Variants in RBFOX1 observed in about 807,000 individuals in gnomAD.
RBFOX1 encodes the protein RNA binding protein fox-1 homolog 1.
A neutral mutation model predicts 57.7 loss-of-function variants in RBFOX1; 8 were observed. The observed-to-expected ratio is 0.14, with a 90% CI of 0.08 to 0.25. The LOEUF (loss-of-function observed/expected upper bound fraction) is 0.25, where lower values mean the gene tolerates loss of function less well. RBFOX1 is among the 10% of genes least tolerant of loss of function. The probability of loss-of-function intolerance (pLI) is 1.00; values close to 1 mark genes in which losing one functional copy is unlikely to be tolerated. For missense variants in RBFOX1, 611 were observed against 548.5 expected (o/e 1.11, Z -1.14); for synonymous variants, 326 against 222.4 (o/e 1.47, Z -4.15).
intron 3 of RBFOX1, among the ~76,000 whole-genome samples, chr16:7,007,809 T>A (rs1364998350): frequency 6.6e-6 from 1 of 152,198 alleles, no homozygotes; most frequent in Non-Finnish European, 1.5e-5. Flanking sequence ...CATTGAAGCC[T>A]GCACGCTCCT....
intron 3 of RBFOX1, among the ~76,000 whole-genome samples, chr16:6,767,947 T>TAATAATAAGAAGAAG (rs1410744665): frequency 1.1e-3 from 114 of 101,032 alleles, no homozygotes; most frequent in African/African-American, 3.0e-3. Flanking sequence ...ATAATAATAA[T>TAATAATAAGAAGAAG]AAGAAGAAGA....
intron 3 of RBFOX1, among the ~76,000 whole-genome samples, chr16:5,863,316 G>A (rs1023227384): frequency 6.6e-6 from 1 of 152,200 alleles, no homozygotes; most frequent in African/African-American, 2.4e-5. Context: ...TCCCACGTCC[G>A]TTTTGCACCC....
chr16:5,972,432 G>T (rs1418216510), intron 4 of RBFOX1, among the ~76,000 whole-genome samples: 1 of 152,182 alleles, frequency 6.6e-6, no homozygotes, highest in East Asian at 1.9e-4. Context: ...CTCTCATTAT[G>T]TGTCCAGTGC....
intron 3 of RBFOX1, among the ~76,000 whole-genome samples, chr16:5,852,288 G>C (rs1354591157): frequency 1.3e-5 from 2 of 152,140 alleles, no homozygotes; most frequent in African/African-American, 4.8e-5. Context: ...CTCCAGAGCT[G>C]AGATGTGGCT....
At chr16:7,507,657 G>C (rs1410516331) in intron 4 of RBFOX1, among the ~76,000 whole-genome samples, 1 of 143,036 alleles carries the variant, frequency 7.0e-6, no homozygotes. Context: ...TCCGCCTCCC[G>C]GGTTCACGCC....
intron 4 of RBFOX1, among the ~76,000 whole-genome samples, chr16:5,901,653 G>C (rs770413276): frequency 6.6e-6 from 1 of 152,168 alleles, no homozygotes. Context: ...GGAGAGTAAG[G>C]ATATAGGAAA....
At chr16:6,204,174 C>T (rs1437088525) in intron 1 of RBFOX1, among the ~76,000 whole-genome samples, 2 of 152,114 alleles carry the variant, frequency 1.3e-5, no homozygotes, top group East Asian at 1.9e-4. Flanking sequence ...CTTCCCTTTT[C>T]CTCCCCTACC....
intron 3 of RBFOX1, among the ~76,000 whole-genome samples, chr16:5,692,415 C>G (rs896760351): frequency 6.6e-6 from 1 of 152,006 alleles, no homozygotes; most frequent in Non-Finnish European, 1.5e-5. Flanking sequence ...AAGATGAGTT[C>G]TGCTAACCAC....
intron 1 of RBFOX1, among the ~76,000 whole-genome samples, chr16:6,167,732 C>G (rs922098361): frequency 6.6e-6 from 1 of 152,102 alleles, no homozygotes; most frequent in Non-Finnish European, 1.5e-5. Flanking sequence ...TGAAGGTCAG[C>G]CTCATCATTC....
chr16:7,363,143 C>T (rs189402789), intron 4 of RBFOX1, among the ~76,000 whole-genome samples: 11 of 152,216 alleles, frequency 7.2e-5, no homozygotes, highest in Non-Finnish European at 1.2e-4. Flanking sequence ...GCTGTTGTTG[C>T]TATTTTCATT....
chr16:5,710,334 C>G (rs1284634965), intron 3 of RBFOX1, among the ~76,000 whole-genome samples: 4 of 152,162 alleles, frequency 2.6e-5, no homozygotes, highest in Non-Finnish European at 4.4e-5. Context: ...TCACTGCGCT[C>G]TCTGTTAAAT....
intron 5 of RBFOX1, chr16:7,519,851 T>G: frequency 6.7e-6 from 3 of 446,070 alleles, no homozygotes; most frequent in Non-Finnish European, 3.0e-6. Flanking sequence ...GCCACCTCAT[T>G]CATTTGGAGG....
chr16:7,265,742 C>T lies in RBFOX1; in HGVS notation c.27+213644C>T, dbSNP rs1317667082. Among the ~76,000 whole-genome samples, 4 of 152,304 alleles carry T rather than the reference C, an allele frequency of 2.6e-5. No homozygotes were observed. The East Asian group carries it at 7.8e-4, about 30-fold the overall frequency. ...GGGATTATAGGCGTGAGCCACCATGCCTGGCCAGGTGTCTTTTCTGATAAG... is the reference window on the plus strand; with the variant it reads ...GGGATTATAGGCGTGAGCCACCATGTCTGGCCAGGTGTCTTTTCTGATAAG... On this transcript the variant is annotated intron_variant, in intron 4 of 15. Transcript: ENST00000550418.
At chr16:7,129,229 T>G (rs1473628415) in intron 4 of RBFOX1, among the ~76,000 whole-genome samples, 1 of 152,154 alleles carries the variant, frequency 6.6e-6, no homozygotes, top group Non-Finnish European at 1.5e-5. Context: ...TATATAGTTT[T>G]TATTGATTCG....
intron 3 of RBFOX1, among the ~76,000 whole-genome samples, chr16:6,780,553 TTTAC>T (rs1277867183): frequency 3.9e-5 from 5 of 129,050 alleles, no homozygotes; most frequent in East Asian, 2.4e-4. Flanking sequence ...TACATATATA[TTTAC>T]ATATTTATAT....
chr16:6,809,510 C>A (rs548610031), intron 3 of RBFOX1, among the ~76,000 whole-genome samples: 1 of 152,102 alleles, frequency 6.6e-6, no homozygotes, highest in African/African-American at 2.4e-5. Context: ...CTGTCATTCA[C>A]CCCAGGAGGC....
chr16:5,486,934 CCTT>C (rs931460732), intron 2 of RBFOX1, among the ~76,000 whole-genome samples: 20 of 152,134 alleles, frequency 1.3e-4, no homozygotes, highest in African/African-American at 4.6e-4. Context: ...GACCTGATTC[CCTT>C]CTTCTTCAAT....
chr16:7,483,135 A>G (rs1029377782), intron 4 of RBFOX1, among the ~76,000 whole-genome samples: 1 of 152,166 alleles, frequency 6.6e-6, no homozygotes, highest in Non-Finnish European at 1.5e-5. Flanking sequence ...CAGCTGTACC[A>G]AGGCTGTGCT....
chr16:6,420,150 T>C (rs960681906), intron 2 of RBFOX1, among the ~76,000 whole-genome samples: 2 of 152,172 alleles, frequency 1.3e-5, no homozygotes, highest in African/African-American at 4.8e-5. Context: ...TTGTCTTGCC[T>C]GCTTCAACTC....
Sources: gnomAD v4.1 joint callset for allele counts (sites outside exome capture counted in the v4.1 genomes callset) on GRCh38, gnomAD v4.1.1 for gene constraint, MANE v1.5 for transcripts, NCBI Gene and HGNC (gene_info 2026-07-23, HGNC 2026-07-21) for gene names.